The following NAV3 variants were observed in gnomAD, a reference collection of about 807,000 sequenced individuals.
NAV3 encodes pore membrane and/or filament interacting like protein 1.
A neutral mutation model predicts 244.7 loss-of-function variants in NAV3; 87 were observed. The ratio of observed to expected loss-of-function variants is 0.36; its 90% CI spans 0.30 to 0.42. The LOEUF (loss-of-function observed/expected upper bound fraction) is 0.42, where lower values mean the gene tolerates loss of function less well. Ranked by LOEUF, NAV3 falls within the 20% of genes least tolerant of loss-of-function variation. The probability of loss-of-function intolerance (pLI) is 1.00; values close to 1 mark genes in which losing one functional copy is unlikely to be tolerated. For missense variants in NAV3, 2,663 were observed against 2,893.3 expected (o/e 0.92, Z 1.83); for synonymous variants, 1,126 against 1,042.2 (o/e 1.08, Z -1.55).
intron 23 of NAV3, 30 bp downstream of exon 23, chr12:78,159,316 A>G (rs781619854): frequency 1.3e-6 from 2 of 1,567,202 alleles, no homozygotes; most frequent in Non-Finnish European, 1.8e-6. Flanking sequence ...CTGGAGACTG[A>G]AAGAAGACAG....
At chr12:77,729,671 AAG>A (rs1301988784) in intron 2 of NAV3, among the ~76,000 whole-genome samples, 1 of 151,946 alleles carries the variant, frequency 6.6e-6, no homozygotes, top group Non-Finnish European at 1.5e-5. Context: ...AACAAGGAAG[AAG>A]AGAGAAGGCT....
chr12:77,660,553 A>T (rs781502164), intron 2 of NAV3, among the ~76,000 whole-genome samples: 6 of 152,138 alleles, frequency 3.9e-5, no homozygotes, highest in Non-Finnish European at 8.8e-5. Context: ...TAAACCACAA[A>T]ATTCACTATT....
chr12:78,019,733 G>GAGTCTTGT (rs1876833532), intron 8 of NAV3, among the ~76,000 whole-genome samples: 1 of 151,986 alleles, frequency 6.6e-6, no homozygotes, highest in South Asian at 2.1e-4. Flanking sequence ...GAGGAGAGAG[G>GAGTCTTGT]AGTCTTGTGT....
chr12:77,689,107 T>C (rs945384437), intron 2 of NAV3, among the ~76,000 whole-genome samples: 2 of 151,898 alleles, frequency 1.3e-5, no homozygotes, highest in African/African-American at 4.8e-5. Flanking sequence ...TAGGACCAAA[T>C]ATGAAAGATC....
At chr12:77,573,685 T>G (rs1868940166) in intron 2 of NAV3, among the ~76,000 whole-genome samples, 1 of 152,204 alleles carries the variant, frequency 6.6e-6, no homozygotes, top group Admixed American at 6.5e-5. Context: ...ATCTACATTT[T>G]TATAACGTCC....
chr12:77,661,198 G>A (rs1377741998), intron 2 of NAV3, among the ~76,000 whole-genome samples: 1 of 152,088 alleles, frequency 6.6e-6, no homozygotes, highest in East Asian at 1.9e-4. Flanking sequence ...TTACATTCCC[G>A]CCAGCCATGT....
At chr12:77,887,550 G>C (rs1883436536) in intron 1 of NAV3, among the ~76,000 whole-genome samples, 1 of 151,968 alleles carries the variant, frequency 6.6e-6, no homozygotes, top group African/African-American at 2.4e-5. Flanking sequence ...GATAACAAAG[G>C]CAATATCTAC....
chr12:77,895,675 G>C (rs1884514705), intron 1 of NAV3, among the ~76,000 whole-genome samples: 1 of 148,060 alleles, frequency 6.8e-6, no homozygotes, highest in Non-Finnish European at 1.5e-5. Flanking sequence ...TATCATGACT[G>C]TTTCAAATCT....
At chr12:78,200,622 T>C (rs1008460466) in intron 38 of NAV3, 31 bp downstream of exon 38, 1 of 1,311,372 alleles carries the variant, frequency 7.6e-7, no homozygotes, top group Non-Finnish European at 1.0e-6. Flanking sequence ...TGCTATTTTT[T>C]TTTAAAAAAA....
At chr12:77,594,488 G>A (rs1870078261) in intron 2 of NAV3, among the ~76,000 whole-genome samples, 1 of 152,214 alleles carries the variant, frequency 6.6e-6, no homozygotes, top group African/African-American at 2.4e-5. Flanking sequence ...ACATCTGGCA[G>A]AACAGCCTGG....
At chr12:77,820,526 T>C (rs1724502546) in intron 2 of NAV3, among the ~76,000 whole-genome samples, 1 of 152,160 alleles carries the variant, frequency 6.6e-6, no homozygotes, top group Admixed American at 6.5e-5. Context: ...ACCGCCAATA[T>C]TGTTGCATTG....
exon 2 of NAV3, chr12:77,571,868 A>G (rs1370847181): frequency 6.6e-6 from 1 of 152,176 alleles, no homozygotes; most frequent in Non-Finnish European, 1.5e-5. Flanking sequence ...GGTTTACAGG[A>G]AATCTGTCAT....
At chr12:77,628,987 A>T (rs1256181936) in intron 2 of NAV3, among the ~76,000 whole-genome samples, 1 of 152,050 alleles carries the variant, frequency 6.6e-6, no homozygotes, top group East Asian at 1.9e-4. Context: ...TCTCAAATCC[A>T]TTGGAGATAC....
chr12:78,092,942 T>A (rs1288183054), intron 12 of NAV3, among the ~76,000 whole-genome samples: 1 of 152,158 alleles, frequency 6.6e-6, no homozygotes, highest in East Asian at 1.9e-4. Context: ...GGCTTTCATA[T>A]GTTAGGTATT....
chr12:78,181,774 G>A (rs1958508093), intron 30 of NAV3, among the ~76,000 whole-genome samples: 1 of 151,988 alleles, frequency 6.6e-6, no homozygotes, highest in Admixed American at 6.6e-5. Flanking sequence ...TAATATGTAT[G>A]TTCCTAGCCA....
In NAV3 at chr12:78,136,865, T is replaced by C. The variant is rs1002204427; in HGVS notation, c.4442-312T>C. On this transcript the variant is annotated intron_variant, in intron 18 of 39. Coordinates refer to ENST00000397909, the MANE Select transcript of NAV3 (RefSeq NM_001024383.2). Reference sequence around the variant, plus strand: ...ACCGAAAACTCTAGAAAGACCATCTTTTCTTCATAACAGGTAGCAGAAAAC... The same window carrying C: ...ACCGAAAACTCTAGAAAGACCATCTCTTCTTCATAACAGGTAGCAGAAAAC... Among the ~76,000 whole-genome samples, 9 of 152,186 alleles carry C rather than the reference T, an allele frequency of 5.9e-5. No homozygotes were observed. The East Asian group carries it at 1.5e-3, about 26-fold the overall frequency.
At chr12:77,974,959 TAA>T (rs1164593107) in intron 5 of NAV3, among the ~76,000 whole-genome samples, 1 of 152,160 alleles carries the variant, frequency 6.6e-6, no homozygotes, top group Non-Finnish European at 1.5e-5. Context: ...TTAAAAACCT[TAA>T]GTCAACCTCA....
At chr12:78,031,123 C>A (rs982868197) in intron 9 of NAV3, among the ~76,000 whole-genome samples, 2 of 152,106 alleles carry the variant, frequency 1.3e-5, no homozygotes, top group African/African-American at 4.8e-5. Context: ...GGGTAAGATG[C>A]AGGCTTTATA....
At chr12:77,692,117 C>T (rs917655421) in intron 2 of NAV3, among the ~76,000 whole-genome samples, 2 of 151,722 alleles carry the variant, frequency 1.3e-5, no homozygotes, top group African/African-American at 4.8e-5. Flanking sequence ...TGTTTATAAT[C>T]GTTGTGCAAT....
Sources: allele counts gnomAD v4.1 joint callset (sites outside exome capture counted in the v4.1 genomes callset), GRCh38; gene constraint gnomAD v4.1.1; transcripts MANE v1.5; gene names NCBI Gene and HGNC (gene_info 2026-07-23, HGNC 2026-07-21).